EGR3: variants seen among roughly 807,000 people sequenced by gnomAD.
The protein encoded by EGR3 is early growth response 3, also known as early growth response protein 3.
EGR3 carries 4 observed loss-of-function variants against 22.4 expected under a neutral mutation model. That is an observed-to-expected ratio of 0.18 (90% confidence interval 0.09 to 0.41). The LOEUF (loss-of-function observed/expected upper bound fraction) is 0.41, where lower values mean the gene tolerates loss of function less well. Among genes scored for constraint, EGR3 ranks in the 10% least tolerant of loss-of-function variants. The probability of loss-of-function intolerance (pLI) is 1.00; values close to 1 mark genes in which losing one functional copy is unlikely to be tolerated. For synonymous variants in EGR3, 219 were observed against 226.8 expected (o/e 0.97, Z 0.31); for missense variants, 315 against 541.3 (o/e 0.58, Z 4.15).
Position 22,690,274 on chromosome 8 carries a change from G to C in EGR3, c.*199C>G, listed in dbSNP as rs568431773. ...AAGTGGGGGACCGCGAGGGGAAGGC[G>C]CCTCCAGCCCTGGCCCCTGACCGCT... On this transcript the variant is annotated 3_prime_UTR_variant, in exon 2 of 2. Transcript: ENST00000317216. 7 of 579,402 alleles carry C rather than the reference G, an allele frequency of 1.2e-5. No homozygotes were observed. In the South Asian group the frequency reaches 1.4e-4, roughly 11 times the overall value. The allele number at this position is 579,402 out of a possible 1,614,324, so 35.9% of individuals were successfully genotyped here.
chr8:22,691,497 G>A lies in EGR3; in HGVS notation c.155-15C>T, dbSNP rs1473687869. ...CATTACATTCTCTGCGGAGAGCGGG[G>A]GAGAGAGGGGAGGGGTGAGTGAAGC... On this transcript the variant is annotated splice_polypyrimidine_tract_variant and intron_variant, in intron 1 of 1. Transcript: ENST00000317216. The A allele has an allele frequency of 5.6e-6, 9 of 1,610,094 alleles. No individual in the cohort carries two copies. The South Asian group carries it at 6.6e-5, about 12-fold the overall frequency.
Position 22,691,167 on chromosome 8 carries a change from G to A in EGR3, c.470C>T (p.Pro157Leu), listed in dbSNP as rs1803941911. 1.2e-6 allele frequency: 2 copies of A among 1,613,964 alleles called. No individual in the cohort carries two copies. Among genetic ancestry groups the A allele is most frequent in the Non-Finnish European group, 8.5e-7 (1 of 1,180,018 alleles). Residue 157 changes from proline to leucine, a missense_variant, in exon 2 of 2, where the codon CCC (proline) becomes CTC (leucine). Around this residue, in one of 4 missense-constraint regions of EGR3, gnomAD observed 227 missense variants for 303.6 expected, o/e 0.75. Transcript: ENST00000317216. ...GCCCTGGGGGTCGTGGAAAGACACG[G>A]GCTCTGAGTAGAGGTCGCCGCAGTT... ...YSNCGDLYSE[P>L]VSFHDPQGNP...
rs1389326859 is a variant in EGR3 at position 22,692,115 on chromosome 8, G to A, written c.155-633C>T. The A allele has an allele frequency of 7.3e-7, 1 of 1,365,818 alleles. No homozygotes were observed. Among genetic ancestry groups the A allele is most frequent in the African/African-American group, 1.5e-5 (1 of 65,388 alleles). The allele number at this position is 1,365,818 out of a possible 1,614,324, so 84.6% of individuals were successfully genotyped here. On this transcript the variant is annotated intron_variant, in intron 1 of 1. Transcript: ENST00000317216. The surrounding 1 kb of genome is among the most constrained non-coding windows in gnomAD (Gnocchi z 6.2). ...GAAAATCCTAGCCCCAGCTAGGGAGGGTGGAGAGCGGCGGAAAACCGGCCG... is the reference window on the plus strand; with the variant it reads ...GAAAATCCTAGCCCCAGCTAGGGAGAGTGGAGAGCGGCGGAAAACCGGCCG...
At chr8:22,691,788 G>C in intron 1 of EGR3, 1 of 985,420 alleles carries the variant, frequency 1.0e-6, no homozygotes, top group Non-Finnish European at 1.2e-6. Context: ...TGTTCTTCCC[G>C]AGGTGGGGCG....
rs892788978 is a variant in EGR3, at chr8:22,687,661, C to T, written c.*2812G>A. On this transcript the variant is annotated 3_prime_UTR_variant, in exon 2 of 2. Coordinates refer to ENST00000317216, the MANE Select transcript of EGR3 (RefSeq NM_004430.3). This position sits in a 1 kb window ranked among gnomAD's most constrained non-coding sequence, Gnocchi z 4.7. ...GCCAAAAACAAACCAAGACAAAAAA[C>T]AGGCCAAACTAAAGCTTTATGCTAT... 2.0e-5 allele frequency: 3 copies of T among 152,548 alleles called. No homozygotes were observed. Among genetic ancestry groups the T allele is most frequent in the African/African-American group, 7.2e-5 (3 of 41,418 alleles). The allele number at this position is 152,548 out of a possible 1,614,324, so 9.4% of individuals were successfully genotyped here.
rs1409167322 is a variant in EGR3, at chr8:22,693,209, T to TG, written c.-266dup. On this transcript the variant is annotated 5_prime_UTR_variant, in exon 1 of 2. Transcript: ENST00000317216. ...GCTGGTGCGGTATGAGGCTGGGTCGTGGGGGGGGTGGGGCGTGTGCGGGGG... is the reference window on the plus strand; with the variant it reads ...GCTGGTGCGGTATGAGGCTGGGTCGTGGGGGGGGGTGGGGCGTGTGCGGGGG... 108 of 48,286 alleles carry TG rather than the reference T, an allele frequency of 2.2e-3. No individual in the cohort carries two copies. Among genetic ancestry groups the TG allele is most frequent in the Admixed American group, 6.4e-3 (20 of 3,148 alleles). 3.0% of individuals were successfully genotyped at this position (48,286 alleles called of 1,614,324 possible).
At position 22,690,549 on chromosome 8, in the gene EGR3, G is replaced by A. The variant is rs759151796; in HGVS notation, c.1088C>T (p.Ala363Val). 1 of 1,613,720 alleles carries A rather than the reference G, an allele frequency of 6.2e-7. No homozygotes were observed. Among genetic ancestry groups the A allele is most frequent in the East Asian group, 2.2e-5 (1 of 44,886 alleles). Residue 363 changes from alanine (A) to valine (V), a missense_variant, in exon 2 of 2, where the codon GCG becomes GTG. Around this residue, in one of 4 missense-constraint regions of EGR3, gnomAD observed 38 missense variants for 37.5 expected, o/e 1.01. Transcript: ENST00000317216. ...TGCAGAGGGTGCACCGCCCTTCTCC[G>A]CCTTCTTCTCCTTTTGCTTGAGGTG... Reference protein sequence around the residue: ...KIHLKQKEKKAEKGGAPSASS... With the variant: ...KIHLKQKEKKVEKGGAPSASS...
chr8:22,691,706 C>T (rs1455295869), intron 1 of EGR3: 9 of 984,732 alleles, frequency 9.1e-6, no homozygotes, highest in Non-Finnish European at 1.1e-5. Flanking sequence ...GTGGCTGCTG[C>T]ACACACAGCG....
rs1391532254 is a variant in EGR3, at chr8:22,692,840, G to T, written c.105C>A (p.Leu35=). The stretch of plus-strand genomic sequence containing the variant: ...CTACCGAGTCGCTGCTGCCGGAGAA[G>T]AGGTTGAGCGCGCTGGGGATCTCCT... ...YPEEIPSALN[L]FSGSSDSVVH... The change falls in exon 1 of 2, where the codon CTC becomes CTA. Residue 35 remains leucine, a synonymous_variant. Transcript: ENST00000317216. The surrounding 1 kb of genome is among the most constrained non-coding windows in gnomAD (Gnocchi z 6.2). The T allele has an allele frequency of 1.4e-5, 23 of 1,613,482 alleles. No individual in the cohort carries two copies. The Admixed American group carries it at 3.3e-4, about 23-fold the overall frequency.
Position 22,688,754 on chromosome 8 carries a change from A to G in EGR3, c.*1719T>C, listed in dbSNP as rs1803846726. On this transcript the variant is annotated 3_prime_UTR_variant, in exon 2 of 2. Transcript: ENST00000317216. ...CTAACAGGAACAGTACATTCAGTCA[A>G]GACCATGCTGCAAGCTGTGGCAGAG... is the stretch of plus-strand genomic sequence containing the variant. 6.5e-6 allele frequency: 1 copy of G among 152,704 alleles called. No homozygotes were observed. The highest frequency in any genetic ancestry group is 2.4e-5 in the African/African-American group (1 of 41,456). The allele number at this position is 152,704 out of a possible 1,614,324, so 9.5% of individuals were successfully genotyped here. A position where few individuals can be genotyped will look rare whatever the true frequency, so the allele number is the denominator to read the frequency against.
Position 22,693,076 on chromosome 8 carries a change from C to CGGGGGGA in EGR3, c.-139_-133dup. The CGGGGGGA allele has an allele frequency of 1.4e-5, 1 of 69,372 alleles. No individual in the cohort carries two copies. Among genetic ancestry groups the CGGGGGGA allele is most frequent in the South Asian group, 8.8e-5 (1 of 11,358 alleles). 4.3% of individuals were successfully genotyped at this position (69,372 alleles called of 1,614,324 possible). On this transcript the variant is annotated 5_prime_UTR_variant, in exon 1 of 2. Transcript: ENST00000317216. ...GGAAAAGCATGCGAGAGGGAAAGTT[C>CGGGGGGA]GGGGGGAGGGGGGAGGGAAGAAGGG...
Position 22,692,541 on chromosome 8 carries a change from C to A in EGR3, c.154+250G>T. The A allele has an allele frequency of 1.4e-6, 2 of 1,428,898 alleles. No individual in the cohort carries two copies. The highest frequency in any genetic ancestry group is 3.0e-5 in the South Asian group (2 of 66,660). The allele number at this position is 1,428,898 out of a possible 1,614,324, so 88.5% of individuals were successfully genotyped here. ...CTGCCCCCACCCGGGAGAACCGAAG[C>A]CTCTACCGTGGCGTCGCCAACCTAG... On this transcript the variant is annotated intron_variant, in intron 1 of 1. Coordinates refer to ENST00000317216, the MANE Select transcript of EGR3 (RefSeq NM_004430.3). The surrounding 1 kb of genome is among the most constrained non-coding windows in gnomAD (Gnocchi z 6.2).
intron 1 of EGR3, chr8:22,691,852 G>C: frequency 2.0e-6 from 2 of 985,340 alleles, no homozygotes; most frequent in Non-Finnish European, 2.4e-6. Flanking sequence ...CTGGGCTCTC[G>C]CTCTCCACCG....
At chr8:22,691,773 ATTG>A (rs1367294290) in intron 1 of EGR3, 2 of 985,104 alleles carry the variant, frequency 2.0e-6, no homozygotes, top group African/African-American at 3.5e-5. Flanking sequence ...CGCGAGAAGC[ATTG>A]TTGTTCTTCC....
Position 22,692,477 on chromosome 8 carries a change from C to G in EGR3, c.154+314G>C. On this transcript the variant is annotated intron_variant, in intron 1 of 1. Coordinates refer to ENST00000317216, the MANE Select transcript of EGR3 (RefSeq NM_004430.3). The surrounding 1 kb of genome is among the most constrained non-coding windows in gnomAD (Gnocchi z 6.2). ...GGGCCCCCTGCGTGGTGAGGGAGAA[C>G]CCCAGAGCCGCTCGCACCTACCTCC... The G allele has an allele frequency of 1.4e-6, 2 of 1,431,428 alleles. No individual in the cohort carries two copies. Among genetic ancestry groups the G allele is most frequent in the Non-Finnish European group, 1.8e-6 (2 of 1,097,436 alleles). The allele number at this position is 1,431,428 out of a possible 1,614,324, so 88.7% of individuals were successfully genotyped here.
chr8:22,692,781 C>T lies in EGR3; in HGVS notation c.154+10G>A. The T allele has an allele frequency of 6.2e-7, 1 of 1,613,432 alleles. No homozygotes were observed. Among genetic ancestry groups the T allele is most frequent in the Non-Finnish European group, 8.5e-7 (1 of 1,179,860 alleles). ...TCCTCGCTGCCTCGCCGCCTCCCCG[C>T]CGCCCTTACCTGTAGCCATCTGATT... On this transcript the variant is annotated intron_variant, in intron 1 of 1. Coordinates refer to ENST00000317216, the MANE Select transcript of EGR3 (RefSeq NM_004430.3). This position sits in a 1 kb window ranked among gnomAD's most constrained non-coding sequence, Gnocchi z 6.2.
chr8:22,692,031 C>T lies in EGR3; in HGVS notation c.155-549G>A. 1 of 1,313,478 alleles carries T rather than the reference C, an allele frequency of 7.6e-7. No homozygotes were observed. Among genetic ancestry groups the T allele is most frequent in the South Asian group, 2.1e-5 (1 of 46,728 alleles). 81.4% of individuals were successfully genotyped at this position (1,313,478 alleles called of 1,614,324 possible). On this transcript the variant is annotated intron_variant, in intron 1 of 1. Transcript: ENST00000317216. This position sits in a 1 kb window ranked among gnomAD's most constrained non-coding sequence, Gnocchi z 6.2. ...TCGCCCTCAAAGGGAGCTCTCCCTT[C>T]ACCTACCCCGGCCCCAGCCTCCTCG...
chr8:22,692,286 G>A lies in EGR3; in HGVS notation c.154+505C>T. The A allele has an allele frequency of 6.6e-7, 1 of 1,517,080 alleles. No homozygotes were observed. Among genetic ancestry groups the A allele is most frequent in the Non-Finnish European group, 8.8e-7 (1 of 1,138,520 alleles). 94.0% of individuals were successfully genotyped at this position (1,517,080 alleles called of 1,614,324 possible). A position where few individuals can be genotyped will look rare whatever the true frequency, so the allele number is the denominator to read the frequency against. On this transcript the variant is annotated intron_variant, in intron 1 of 1. Transcript: ENST00000317216. The surrounding 1 kb of genome is among the most constrained non-coding windows in gnomAD (Gnocchi z 6.2). ...ACGGCTTTGCTGAACGCCCCGGAAAGGCAGCGTCGCAGTACCTCTCCCACC... is the reference window on the plus strand; with the variant it reads ...ACGGCTTTGCTGAACGCCCCGGAAAAGCAGCGTCGCAGTACCTCTCCCACC...
chr8:22,689,921 A>ACACACACACACT lies in EGR3; in HGVS notation c.*540_*551dup, dbSNP rs1044717059. The ACACACACACACT allele has an allele frequency of 6.5e-6, 1 of 153,754 alleles. No individual in the cohort carries two copies. The highest frequency in any genetic ancestry group is 2.4e-5 in the African/African-American group (1 of 41,446). The allele number at this position is 153,754 out of a possible 1,614,324, so 9.5% of individuals were successfully genotyped here. ...TAAACACACACGCTTGCGCGCGCGC[A>ACACACACACACT]CACACACACACTCACACACACACAT... is the stretch of plus-strand genomic sequence containing the variant. On this transcript the variant is annotated 3_prime_UTR_variant, in exon 2 of 2. Transcript: ENST00000317216.
Sources: gnomAD v4.1 joint callset for allele counts on GRCh38, gnomAD v4.1.1 for gene constraint, gnomAD v4.1.1 regional missense constraint, Gnocchi (gnomAD v3.1) non-coding constraint, MANE v1.5 for transcripts, NCBI Gene and HGNC (gene_info 2026-07-23, HGNC 2026-07-21) for gene names.